Variants in NDRG2 observed in about 807,000 individuals in gnomAD.
The protein encoded by NDRG2 is protein NDRG2.
NDRG2 carries 34 observed loss-of-function variants against 58.2 expected under a neutral mutation model. The ratio of observed to expected loss-of-function variants is 0.58; its 90% CI spans 0.44 to 0.78. The LOEUF is 0.78. NDRG2 is among the 30% of genes least tolerant of loss of function. NDRG2 has a pLI of 0.00. For missense variants in NDRG2, 434 were observed against 471.2 expected, an observed-to-expected ratio of 0.92 and a Z score of 0.73; for synonymous variants, 187 against 175.9, an observed-to-expected ratio of 1.06 and a Z score of -0.50.
intron 1 of NDRG2, among the ~76,000 whole-genome samples, chr14:21,066,126 C>A (rs553686402): frequency 1.4e-4 from 21 of 152,126 alleles, no homozygotes; most frequent in African/African-American, 5.1e-4. Flanking sequence ...CAACAAAAAC[C>A]TGAAAAGCTG....
At position 21,038,607 on chromosome 14, in the gene NDRG2, G is replaced by A. The variant is rs59076414; in HGVS notation, c.25-15286C>T. On this transcript the variant is annotated intron_variant, in intron 1 of 14. Transcript: ENST00000403829. ...ATGCTTGAAAAATGGGGGGAAACCG[G>A]TCTGGCTGGGGTTGAGGCACTCAGT... 7.7e-3 allele frequency among the ~76,000 whole-genome samples: 1,171 copies of A among 152,288 alleles called. 27 individuals are homozygous for A. In the East Asian group the frequency reaches 0.095, roughly 12 times the overall value.
intron 1 of NDRG2, among the ~76,000 whole-genome samples, chr14:21,038,571 T>C (rs992531705): frequency 6.6e-6 from 1 of 152,004 alleles, no homozygotes; most frequent in African/African-American, 2.4e-5. Context: ...ATAAAGAGGA[T>C]TATGAAAGAC....
chr14:21,017,929 C>G, intron 15 of NDRG2, 58 bp downstream of exon 15: 4 of 1,613,634 alleles, frequency 2.5e-6, no homozygotes, highest in Non-Finnish European at 3.4e-6. Context: ...TAAAACGGTT[C>G]CACCCCGTCA....
chr14:21,031,132 G>A (rs1381648425), intron 1 of NDRG2: 1 of 1,614,122 alleles, frequency 6.2e-7, no homozygotes, highest in South Asian at 1.1e-5. Flanking sequence ...ATGGACTCAT[G>A]GAGGGCAAAG....
intron 1 of NDRG2, among the ~76,000 whole-genome samples, chr14:21,062,531 G>A (rs906322612): frequency 2.0e-5 from 3 of 152,180 alleles, no homozygotes; most frequent in Non-Finnish European, 2.9e-5. Flanking sequence ...CCTGAGGCCC[G>A]TGTAGGGGTG....
intron 1 of NDRG2, chr14:21,057,932 C>T (rs767369746): frequency 6.2e-7 from 1 of 1,614,080 alleles, no homozygotes; most frequent in Non-Finnish European, 8.5e-7. Context: ...CCTGCTGCTG[C>T]TGCTTCTGGG....
intron 1 of NDRG2, among the ~76,000 whole-genome samples, chr14:21,066,320 T>G (rs10151973): frequency 1.3e-4 from 18 of 143,170 alleles, no homozygotes; most frequent in African/African-American, 4.3e-4. Context: ...GGTTGTGTTT[T>G]TTTTGTTTTT....
chr14:21,030,537 C>T, upstream of NDRG2: 1 of 1,594,946 alleles, frequency 6.3e-7, no homozygotes, highest in Non-Finnish European at 8.5e-7. Flanking sequence ...TCTCCTTCAC[C>T]CCCAAGTGTC....
intron 9 of NDRG2, 30 bp from the exon 10 acceptor site, chr14:21,019,772 G>T (rs756620055): frequency 6.5e-7 from 1 of 1,537,546 alleles, no homozygotes; most frequent in Admixed American, 1.7e-5. Context: ...GAAAAATTAG[G>T]GATGGAAAGA....
chr14:21,019,305 G>A (rs1282149474), intron 10 of NDRG2, 145 bp from the exon 11 acceptor site: 1 of 780,748 alleles, frequency 1.3e-6, no homozygotes, highest in Non-Finnish European at 2.0e-6. Context: ...AAGGAGAAAG[G>A]GGCAGGCAGG....
At chr14:21,035,851 C>G in intron 1 of NDRG2, 1 of 456,182 alleles carries the variant, frequency 2.2e-6, no homozygotes, top group Non-Finnish European at 4.4e-6. Flanking sequence ...TCCACCTCCC[C>G]AATCCCAGCT....
chr14:21,031,067 C>A, intron 1 of NDRG2: 11 of 1,614,130 alleles, frequency 6.8e-6, no homozygotes, highest in Non-Finnish European at 9.3e-6. Flanking sequence ...AGTGAAGGAA[C>A]TGGGCCAGAA....
At chr14:21,030,604 C>G, upstream of NDRG2, 1 of 1,613,852 alleles carries the variant, frequency 6.2e-7, no homozygotes. Context: ...GCAGAAAAAA[C>G]ATTCCATCGG....
chr14:21,021,011 AG>A (rs1312525622), intron 6 of NDRG2, 167 bp from the exon 7 acceptor site: 1 of 752,826 alleles, frequency 1.3e-6, no homozygotes. Context: ...AAGAAGCCAA[AG>A]GTTGGCACGG....
At chr14:21,050,982 C>T (rs1465945441) in intron 1 of NDRG2, among the ~76,000 whole-genome samples, 1 of 152,110 alleles carries the variant, frequency 6.6e-6, no homozygotes, top group Admixed American at 6.6e-5. Context: ...TTTAATGTAA[C>T]TCATTTGAAT....
intron 3 of NDRG2, 158 bp from the exon 4 acceptor site, chr14:21,022,655 G>A (rs1449864474): frequency 1.9e-5 from 13 of 673,398 alleles, no homozygotes; most frequent in East Asian, 2.7e-5. Flanking sequence ...ACATGATACC[G>A]GAAGATGAGT....
At chr14:21,026,946 G>A (rs546766717), upstream of NDRG2, among the ~76,000 whole-genome samples, 13 of 146,440 alleles carry the variant, frequency 8.9e-5, no homozygotes, top group African/African-American at 3.3e-4. Flanking sequence ...GGAGAGCCTC[G>A]AGTGAGAACT....
upstream of NDRG2, among the ~76,000 whole-genome samples, chr14:21,027,740 A>G (rs1253990074): frequency 6.6e-6 from 1 of 152,230 alleles, no homozygotes; most frequent in Non-Finnish European, 1.5e-5. Context: ...GCAAGATTTC[A>G]GAAATCCTCA....
At position 21,018,443 on chromosome 14, in the gene NDRG2, A is replaced by G; in HGVS notation, c.861+14T>C. The G allele has an allele frequency of 6.2e-7, 1 of 1,613,794 alleles. No homozygotes were observed. Among genetic ancestry groups the G allele is most frequent in the South Asian group, 1.1e-5 (1 of 91,010 alleles). Reference sequence around the variant, plus strand: ...ATATGACTGTGGACGGGGGCCCAGGAACAGGTTACTGACCTTGAGGAACGA... The same window carrying G: ...ATATGACTGTGGACGGGGGCCCAGGGACAGGTTACTGACCTTGAGGAACGA... On this transcript the variant is annotated intron_variant, in intron 13 of 15. Coordinates refer to ENST00000556147, the MANE Select transcript of NDRG2 (RefSeq NM_001320329.2).
Sources: gnomAD v4.1 joint callset for allele counts (sites outside exome capture counted in the v4.1 genomes callset) on GRCh38, gnomAD v4.1.1 for gene constraint, MANE v1.5 for transcripts, NCBI Gene and HGNC (gene_info 2026-07-23, HGNC 2026-07-21) for gene names.